The following TKT variants were observed in gnomAD, a reference collection of about 807,000 sequenced individuals.
TKT encodes epididymis luminal protein 107.
A neutral mutation model predicts 63.9 loss-of-function variants in TKT; 47 were observed. The ratio of observed to expected loss-of-function variants is 0.74; its 90% CI spans 0.58 to 0.94. TKT has a LOEUF of 0.94. Ranked by LOEUF, TKT falls within the 40% of genes least tolerant of loss-of-function variation. TKT has a pLI of 0.00. For missense variants in TKT, 721 were observed against 846.2 expected, an observed-to-expected ratio of 0.85 and a Z score of 1.84; for synonymous variants, 338 against 334.1, an observed-to-expected ratio of 1.01 and a Z score of -0.13.
chr3:53,235,215 G>C lies in TKT; in HGVS notation c.438-41C>G, dbSNP rs375811088. 207 of 1,546,376 alleles carry C rather than the reference G, an allele frequency of 1.3e-4. No individual in the cohort carries two copies. The African/African-American group carries it at 2.7e-3, about 20-fold the overall frequency. Reference sequence around the variant, plus strand: ...GAATCAGGCCAGTCCCTCTCACCTGGACCCAGCTGGCTCCCACCCCCCCAC... The same window carrying C: ...GAATCAGGCCAGTCCCTCTCACCTGCACCCAGCTGGCTCCCACCCCCCCAC... On this transcript the variant is annotated intron_variant, in intron 4 of 13. Transcript: ENST00000462138.
chr3:53,238,299 G>A (rs1028597517), intron 4 of TKT, among the ~76,000 whole-genome samples: 11 of 152,246 alleles, frequency 7.2e-5, no homozygotes, highest in African/African-American at 2.4e-4. Context: ...CAAATAAAAT[G>A]CTCTTAAACA....
chr3:53,228,315 G>A lies in TKT; in HGVS notation c.1440C>T (p.Ile480=), dbSNP rs781900352. 5 of 1,614,204 alleles carry A rather than the reference G, an allele frequency of 3.1e-6. No homozygotes were observed. In the Admixed American group the frequency reaches 5.0e-5, roughly 16 times the overall value. Residue 480 remains isoleucine (I), a synonymous_variant, in exon 11 of 14, where the codon ATC becomes ATT. Transcript: ENST00000462138. The stretch of plus-strand genomic sequence containing the variant: ...CCTGGAAGTCCTCATTGTTGTTATA[G>A]ATGATGGCATTTTCTGGGCGGCTGG... ...IRTSRPENAI[I]YNNNEDFQVG... is the part of the protein sequence containing the mutation.
chr3:53,252,887 C>T (rs1309112601), intron 1 of TKT, among the ~76,000 whole-genome samples: 2 of 151,978 alleles, frequency 1.3e-5, no homozygotes, highest in Non-Finnish European at 2.9e-5. Flanking sequence ...TTGCCCAGGC[C>T]AGAGTGCAAT....
At chr3:53,237,263 C>A (rs1705072270) in intron 4 of TKT, among the ~76,000 whole-genome samples, 1 of 152,084 alleles carries the variant, frequency 6.6e-6, no homozygotes, top group African/African-American at 2.4e-5. Flanking sequence ...TGGTGCGCGT[C>A]TGTAATCCCA....
intron 1 of TKT, among the ~76,000 whole-genome samples, chr3:53,246,097 G>A (rs1705490988): frequency 6.6e-6 from 1 of 151,976 alleles, no homozygotes; most frequent in African/African-American, 2.4e-5. Flanking sequence ...GTGAAACCCT[G>A]TATCTACTAC....
At chr3:53,228,841 T>C (rs1192310265) in intron 10 of TKT, 166 bp downstream of exon 10, 1 of 917,850 alleles carries the variant, frequency 1.1e-6, no homozygotes, top group Non-Finnish European at 1.7e-6. Context: ...GTAAGTGGGG[T>C]GTGTATTTCG....
chr3:53,238,450 G>A (rs1553679159), intron 4 of TKT, among the ~76,000 whole-genome samples: 1 of 152,238 alleles, frequency 6.6e-6, no homozygotes, highest in East Asian at 1.9e-4. Flanking sequence ...GTCTGGAAGG[G>A]ACTGTGAGGC....
In TKT at chr3:53,229,065, A is replaced by G; in HGVS notation, c.1337T>C (p.Phe446Ser). Residue 446 changes from phenylalanine to serine, a missense_variant, in exon 10 of 14, where the codon TTT becomes TCT. Coordinates refer to ENST00000462138, the MANE Select transcript of TKT (RefSeq NM_001064.4). ...TGTAGCAACGCCATCACTTGGGTAAAAGACAGTTGATGTGGGGACTGACCG... is the reference window on the plus strand; with the variant it reads ...TGTAGCAACGCCATCACTTGGGTAAGAGACAGTTGATGTGGGGACTGACCG... ...MFRSVPTSTV[F>S]YPSDGVATEK... is the part of the protein sequence containing the mutation. 1 of 1,614,166 alleles carries G rather than the reference A, an allele frequency of 6.2e-7. No individual in the cohort carries two copies. The highest frequency in any genetic ancestry group is 8.5e-7 in the Non-Finnish European group (1 of 1,180,018).
Position 53,229,296 on chromosome 3 carries a change from G to A in TKT, c.1248C>T (p.His416=), listed in dbSNP as rs371642265. The part of the protein sequence containing the change: ...SESNINLCGS[H]CGVSIGEDGP... ...TAAACTCACCGATGGAAACGCCGCAGTGGGAGCCGCAGAGGTTGATGTTGC... is the reference window on the plus strand; with the variant it reads ...TAAACTCACCGATGGAAACGCCGCAATGGGAGCCGCAGAGGTTGATGTTGC... Residue 416 remains histidine (H), a synonymous_variant, in exon 9 of 14, where the codon CAC becomes CAT. Transcript: ENST00000462138. 4.3e-6 allele frequency: 7 copies of A among 1,614,030 alleles called. No individual in the cohort carries two copies. The South Asian group carries it at 7.7e-5, about 18-fold the overall frequency.
chr3:53,246,854 A>G (rs1267904170), intron 1 of TKT, among the ~76,000 whole-genome samples: 23 of 148,646 alleles, frequency 1.5e-4, no homozygotes, highest in Non-Finnish European at 2.8e-4. Context: ...TCCGTCTCAA[A>G]AAAAAAAAAA....
intron 1 of TKT, among the ~76,000 whole-genome samples, chr3:53,255,559 G>T (rs1373947426): frequency 6.6e-6 from 1 of 152,194 alleles, no homozygotes; most frequent in Non-Finnish European, 1.5e-5. Context: ...GCAGCTGCGC[G>T]GCCGGCGATC....
chr3:53,255,533 TCCC>T (rs1223442230), intron 1 of TKT, among the ~76,000 whole-genome samples: 5 of 151,998 alleles, frequency 3.3e-5, no homozygotes, highest in Non-Finnish European at 1.5e-5. Context: ...CGCGAGCCCA[TCCC>T]CCGCGCCACC....
intron 1 of TKT, among the ~76,000 whole-genome samples, chr3:53,249,302 G>A (rs1553681347): frequency 6.6e-6 from 1 of 152,008 alleles, no homozygotes; most frequent in Non-Finnish European, 1.5e-5. Context: ...AAAGGGCCTG[G>A]AGCAGTGGCT....
At chr3:53,249,497 G>A (rs782500362) in intron 1 of TKT, among the ~76,000 whole-genome samples, 2 of 151,954 alleles carry the variant, frequency 1.3e-5, no homozygotes, top group Admixed American at 1.3e-4. Flanking sequence ...GCAGAAAATC[G>A]CTTGAACCTA....
chr3:53,232,668 A>G, intron 6 of TKT: 2 of 397,184 alleles, frequency 5.0e-6, no homozygotes, highest in Non-Finnish European at 8.9e-6. Context: ...CAGGTTCCAA[A>G]CCCCCCAAGG....
intron 10 of TKT, chr3:53,228,659 G>A: frequency 2.0e-6 from 1 of 503,986 alleles, no homozygotes. Context: ...CGCGCACTGG[G>A]TCTGTGGCAT....
At chr3:53,250,554 T>G (rs1358893136) in intron 1 of TKT, among the ~76,000 whole-genome samples, 1 of 152,136 alleles carries the variant, frequency 6.6e-6, no homozygotes, top group African/African-American at 2.4e-5. Flanking sequence ...GTGGATCGCT[T>G]AAGCCCAGGA....
intron 8 of TKT, among the ~76,000 whole-genome samples, chr3:53,229,762 T>C (rs1226472565): frequency 1.3e-5 from 2 of 152,042 alleles, no homozygotes; most frequent in Non-Finnish European, 2.9e-5. Flanking sequence ...CCTCTTTCCC[T>C]AGTACCTGGG....
At chr3:53,230,886 G>A (rs1184629246) in intron 7 of TKT, among the ~76,000 whole-genome samples, 1 of 152,218 alleles carries the variant, frequency 6.6e-6, no homozygotes, top group African/African-American at 2.4e-5. Flanking sequence ...CCCGCCTGCT[G>A]CACCAGGTCC....
Sources: allele counts gnomAD v4.1 joint callset (sites outside exome capture counted in the v4.1 genomes callset), GRCh38; gene constraint gnomAD v4.1.1; transcripts MANE v1.5; gene names NCBI Gene and HGNC (gene_info 2026-07-23, HGNC 2026-07-21).